SRFBP1: variants seen among roughly 807,000 people sequenced by gnomAD.
SRFBP1 encodes serum response factor-binding protein 1.
In SRFBP1, 47 loss-of-function variants were observed where a neutral mutation model predicts 45.5. The ratio of observed to expected loss-of-function variants is 1.03; its 90% CI spans 0.82 to 1.32. The LOEUF is 1.32. Ranked by LOEUF, SRFBP1 falls within the 40% of genes most tolerant of loss-of-function variation. The probability of loss-of-function intolerance (pLI) is 0.00; values close to 1 mark genes in which losing one functional copy is unlikely to be tolerated. For synonymous variants in SRFBP1, 203 were observed against 166.3 expected (o/e 1.22, Z -1.70); for missense variants, 621 against 484.6 (o/e 1.28, Z -2.64).
chr5:122,056,200 C>A (rs1216495280), intron 2 of SRFBP1, among the ~76,000 whole-genome samples: 2 of 152,100 alleles, frequency 1.3e-5, no homozygotes, highest in Admixed American at 1.3e-4. Flanking sequence ...GAAAAAACAG[C>A]CCTACAAGTA....
intron 5 of SRFBP1, 124 bp from the exon 6 acceptor site, chr5:122,019,964 A>G (rs1172115869): frequency 5.1e-6 from 3 of 582,624 alleles, no homozygotes; most frequent in Non-Finnish European, 5.6e-6. Context: ...GAGTATATGT[A>G]TTTAATATCA....
At chr5:122,057,072 A>G (rs1028436064) in intron 2 of SRFBP1, among the ~76,000 whole-genome samples, 3 of 152,360 alleles carry the variant, frequency 2.0e-5, no homozygotes, top group East Asian at 1.9e-4. Context: ...AGCATGTAAT[A>G]TAACCACCTT....
chr5:121,967,153 T>C (rs973816911), intron 1 of SRFBP1, among the ~76,000 whole-genome samples: 5 of 152,130 alleles, frequency 3.3e-5, no homozygotes, highest in South Asian at 2.1e-4. Flanking sequence ...TTTCATTTCA[T>C]GTAAGACAGT....
At chr5:122,010,495 A>G (rs1404577300) in intron 4 of SRFBP1, among the ~76,000 whole-genome samples, 1 of 152,128 alleles carries the variant, frequency 6.6e-6, no homozygotes, top group Non-Finnish European at 1.5e-5. Context: ...GGGGAAATAG[A>G]GCAGTGATTA....
intron 4 of SRFBP1, among the ~76,000 whole-genome samples, chr5:121,997,484 C>G (rs1580515476): frequency 6.6e-6 from 1 of 151,854 alleles, no homozygotes. Flanking sequence ...GAAACTGGAT[C>G]CCTTCTTTAC....
At chr5:121,987,474 G>A (rs1752541114) in intron 3 of SRFBP1, among the ~76,000 whole-genome samples, 1 of 152,252 alleles carries the variant, frequency 6.6e-6, no homozygotes, top group Non-Finnish European at 1.5e-5. Context: ...TAAAGTTTTT[G>A]TTGTCACTGA....
chr5:121,971,906 A>T (rs1426163837), intron 1 of SRFBP1, among the ~76,000 whole-genome samples: 3 of 152,016 alleles, frequency 2.0e-5, no homozygotes, highest in Admixed American at 1.3e-4. Context: ...GTCCTTAGTG[A>T]CATCTTTTAG....
chr5:122,077,689 G>C (rs1289856512), downstream of SRFBP1: 1 of 1,599,180 alleles, frequency 6.3e-7, no homozygotes, highest in South Asian at 1.1e-5. This position sits in a 1 kb window ranked among gnomAD's most constrained non-coding sequence, Gnocchi z 4.9. Context: ...GCGCCGCGGC[G>C]GTGCGGTTGT....
At chr5:122,039,112 T>C (rs995289347) in intron 2 of SRFBP1, among the ~76,000 whole-genome samples, 4 of 152,204 alleles carry the variant, frequency 2.6e-5, no homozygotes, top group East Asian at 1.9e-4. Context: ...TAGTGAGATA[T>C]CGTAACTATA....
chr5:121,991,349 C>G (rs969470910), intron 3 of SRFBP1, among the ~76,000 whole-genome samples: 15 of 152,160 alleles, frequency 9.9e-5, no homozygotes, highest in Admixed American at 2.6e-4. Context: ...AAAATTCTCC[C>G]TTAAAAAATA....
At chr5:122,015,281 A>G (rs1222463343) in intron 4 of SRFBP1, among the ~76,000 whole-genome samples, 1 of 152,186 alleles carries the variant, frequency 6.6e-6, no homozygotes, top group Non-Finnish European at 1.5e-5. Flanking sequence ...CAGAATCTCA[A>G]ATTGTGTTAC....
chr5:122,067,569 C>T (rs1178231705), intron 2 of SRFBP1, among the ~76,000 whole-genome samples: 1 of 152,092 alleles, frequency 6.6e-6, no homozygotes, highest in African/African-American at 2.4e-5. Context: ...GACCTGATGG[C>T]CTTAGGCAAG....
At position 122,005,368 on chromosome 5, in the gene SRFBP1, G is replaced by A. The variant is rs78601942; in HGVS notation, c.270+10698G>A. Among the ~76,000 whole-genome samples, 780 of 152,182 alleles carry A rather than the reference G, an allele frequency of 5.1e-3. 18 individuals carry two copies. The East Asian group carries it at 0.052, about 10-fold the overall frequency. On this transcript the variant is annotated intron_variant, in intron 4 of 7. Coordinates refer to ENST00000339397, the MANE Select transcript of SRFBP1 (RefSeq NM_152546.3). ...ATATTTACAAGTGTTATATCCGTCTGATGAATTGACCCCTTTATCTATATA... is the reference window on the plus strand; with the variant it reads ...ATATTTACAAGTGTTATATCCGTCTAATGAATTGACCCCTTTATCTATATA...
At chr5:121,974,098 A>C in intron 1 of SRFBP1, 98 bp from the exon 2 acceptor site, 1 of 747,060 alleles carries the variant, frequency 1.3e-6, no homozygotes, top group Non-Finnish European at 2.2e-6. Flanking sequence ...AAAGTAGTTA[A>C]AGTGGTAGAC....
intron 2 of SRFBP1, among the ~76,000 whole-genome samples, chr5:122,059,345 G>C (rs1271077710): frequency 6.6e-6 from 1 of 152,050 alleles, no homozygotes. Flanking sequence ...AAATTAGTGA[G>C]GAAACTGTAC....
chr5:122,066,997 C>T (rs1289784428), intron 2 of SRFBP1, among the ~76,000 whole-genome samples: 1 of 152,134 alleles, frequency 6.6e-6, no homozygotes, highest in Non-Finnish European at 1.5e-5. Flanking sequence ...GAAACCACTT[C>T]TGAAACACTC....
At chr5:122,077,870 G>A, downstream of SRFBP1, 1 of 1,537,200 alleles carries the variant, frequency 6.5e-7, no homozygotes, top group Non-Finnish European at 8.7e-7. This position sits in a 1 kb window ranked among gnomAD's most constrained non-coding sequence, Gnocchi z 4.9. Context: ...CCAGGCGCCC[G>A]GAGCCGCCGG....
rs549189234 is a variant in SRFBP1, at chr5:122,025,783, T to C, written c.1106-1159T>C. On this transcript the variant is annotated intron_variant, in intron 7 of 7. Transcript: ENST00000339397. Reference sequence around the variant, plus strand: ...CTGGTTTATATAACATTTTTACATTTGTTTTCTTAAAGAGGTCTTTAAAAG... The same window carrying C: ...CTGGTTTATATAACATTTTTACATTCGTTTTCTTAAAGAGGTCTTTAAAAG... Among the ~76,000 whole-genome samples the C allele has an allele frequency of 8.5e-5, 13 of 152,316 alleles. No homozygotes were observed. In the South Asian group the frequency reaches 2.5e-3, roughly 29 times the overall value.
Position 122,027,172 on chromosome 5 carries a change from T to G in SRFBP1, c.*46T>G, listed in dbSNP as rs749012114. 3.9e-5 allele frequency: 58 copies of G among 1,475,124 alleles called. No individual in the cohort carries two copies. Among genetic ancestry groups the G allele is most frequent in the Non-Finnish European group, 5.2e-5 (56 of 1,077,716 alleles). The allele number at this position is 1,475,124 out of a possible 1,614,324, so 91.4% of individuals were successfully genotyped here. ...CTTTTCCATCTAAAAAAAAAAATGT[T>G]TTTTTTAAGACAGGATCTCATTCTG... On this transcript the variant is annotated 3_prime_UTR_variant, in exon 8 of 8. Transcript: ENST00000339397.
Sources: gnomAD v4.1 joint callset for allele counts (sites outside exome capture counted in the v4.1 genomes callset) on GRCh38, gnomAD v4.1.1 for gene constraint, Gnocchi (gnomAD v3.1) non-coding constraint, MANE v1.5 for transcripts, NCBI Gene and HGNC (gene_info 2026-07-23, HGNC 2026-07-21) for gene names.